Variants in PCSK5 observed in about 807,000 individuals in gnomAD.
PCSK5 encodes the protein prohormone convertase 5.
A neutral mutation model predicts 233.2 loss-of-function variants in PCSK5; 129 were observed. The ratio of observed to expected loss-of-function variants is 0.55; its 90% CI spans 0.48 to 0.64. The LOEUF (loss-of-function observed/expected upper bound fraction) is 0.64. Ranked by LOEUF, PCSK5 falls within the 30% of genes least tolerant of loss-of-function variation. The pLI, the probability that PCSK5 is intolerant of heterozygous loss-of-function variation, is 0.00. For synonymous variants in PCSK5, 825 were observed against 879.2 expected, an observed-to-expected ratio of 0.94 and a Z score of 1.09; for missense variants, 2,076 against 2,430.1, an observed-to-expected ratio of 0.85 and a Z score of 3.06.
chr9:76,283,207 T>C (rs1200624835), intron 24 of PCSK5, among the ~76,000 whole-genome samples: 3 of 152,216 alleles, frequency 2.0e-5, no homozygotes, highest in African/African-American at 7.2e-5. Context: ...TTTGAGAGGA[T>C]TGACTCGAAT....
At chr9:76,042,112 T>A (rs1829146550) in intron 5 of PCSK5, among the ~76,000 whole-genome samples, 1 of 152,252 alleles carries the variant, frequency 6.6e-6, no homozygotes, top group East Asian at 1.9e-4. Flanking sequence ...AGCTGAGTTT[T>A]GCTACATCCC....
chr9:75,890,094 A>T (rs531918841), upstream of PCSK5, among the ~76,000 whole-genome samples: 2 of 152,330 alleles, frequency 1.3e-5, no homozygotes, highest in Admixed American at 1.3e-4. Context: ...GTTGCCTAGT[A>T]TCGCAGATTT....
chr9:76,292,091 C>T (rs1252970593), intron 24 of PCSK5, 142 bp from the exon 25 acceptor site: 1 of 600,628 alleles, frequency 1.7e-6, no homozygotes, highest in Non-Finnish European at 3.0e-6. Flanking sequence ...ACAGTACAAT[C>T]TGTTCAAATA....
intron 5 of PCSK5, among the ~76,000 whole-genome samples, chr9:76,040,219 A>C (rs1265373734): frequency 6.6e-6 from 1 of 152,072 alleles, no homozygotes; most frequent in East Asian, 1.9e-4. Flanking sequence ...TCCTCACTTC[A>C]TGTACTCTAG....
chr9:75,909,011 A>G (rs761431743), intron 1 of PCSK5, among the ~76,000 whole-genome samples: 2 of 150,236 alleles, frequency 1.3e-5, no homozygotes, highest in Non-Finnish European at 3.0e-5. Flanking sequence ...CTCCTCTGCT[A>G]GATAATAATC....
In PCSK5 at chr9:76,072,937, A is replaced by G. The variant is rs138916959; in HGVS notation, c.894+1039A>G. Among the ~76,000 whole-genome samples the G allele has an allele frequency of 1.8e-4, 27 of 152,346 alleles. 1 individual carries two copies. The South Asian group carries it at 3.1e-3, about 18-fold the overall frequency. On this transcript the variant is annotated intron_variant, in intron 7 of 37. Coordinates refer to ENST00000674117, the MANE Select transcript of PCSK5 (RefSeq NM_001372043.1). ...CTTACTAGCGTTACATAGAGTTCTT[A>G]TCATATTGTGCTTTATATCAGAGTT...
At chr9:76,340,543 G>A (rs1829799140) in intron 35 of PCSK5, among the ~76,000 whole-genome samples, 1 of 150,446 alleles carries the variant, frequency 6.6e-6, no homozygotes, top group African/African-American at 2.4e-5. Context: ...TACTTGGGAG[G>A]TTGAGGTGGG....
intron 2 of PCSK5, among the ~76,000 whole-genome samples, chr9:75,946,025 A>G (rs1824549173): frequency 1.3e-5 from 2 of 152,224 alleles, no homozygotes; most frequent in South Asian, 2.1e-4. Flanking sequence ...TACAAATTCA[A>G]TGGAGGCCAT....
intron 34 of PCSK5, among the ~76,000 whole-genome samples, chr9:76,335,876 T>G (rs1342846447): frequency 4.6e-5 from 7 of 152,212 alleles, no homozygotes; most frequent in Non-Finnish European, 1.0e-4. Context: ...TGTTAGTCTC[T>G]CCATTTTACA....
intron 24 of PCSK5, among the ~76,000 whole-genome samples, chr9:76,276,998 C>A (rs1195298467): frequency 2.0e-5 from 3 of 152,056 alleles, no homozygotes; most frequent in Admixed American, 2.0e-4. Flanking sequence ...GAGGCCAAGG[C>A]GGGTGGATCA....
intron 2 of PCSK5, among the ~76,000 whole-genome samples, chr9:75,934,615 C>T (rs927154342): frequency 6.6e-6 from 1 of 151,320 alleles, no homozygotes; most frequent in African/African-American, 2.4e-5. Context: ...GAGTCTCACT[C>T]TTATTGCCCA....
intron 20 of PCSK5, among the ~76,000 whole-genome samples, chr9:76,211,770 C>CCCCCAGG (rs1229085045): frequency 6.6e-6 from 1 of 152,198 alleles, no homozygotes; most frequent in East Asian, 1.9e-4. Flanking sequence ...AGTGCTTAAG[C>CCCCCAGG]CTGGGAGCTT....
At chr9:76,188,529 T>C in intron 17 of PCSK5, 49 bp from the exon 18 acceptor site, 1 of 1,176,310 alleles carries the variant, frequency 8.5e-7, no homozygotes, top group Non-Finnish European at 1.3e-6. Context: ...CATTACGTTT[T>C]GGCCTCATCA....
At chr9:76,238,695 T>G (rs541512040) in intron 22 of PCSK5, among the ~76,000 whole-genome samples, 63 of 152,288 alleles carry the variant, frequency 4.1e-4, no homozygotes, top group Middle Eastern at 3.4e-3. Flanking sequence ...TCACAGAGCA[T>G]CATTTTGCAA....
At chr9:76,003,731 G>A (rs1450769029) in intron 3 of PCSK5, among the ~76,000 whole-genome samples, 1 of 152,240 alleles carries the variant, frequency 6.6e-6, no homozygotes, top group East Asian at 1.9e-4. Flanking sequence ...TTGTCACAAT[G>A]ATTTTTTTTA....
At chr9:76,222,102 T>C (rs1825746051) in intron 20 of PCSK5, among the ~76,000 whole-genome samples, 1 of 152,180 alleles carries the variant, frequency 6.6e-6, no homozygotes, top group Non-Finnish European at 1.5e-5. Flanking sequence ...GACAGAGTTT[T>C]CCATCTGCCA....
rs549175660 is a variant in PCSK5, at chr9:76,189,138, A to C, written c.2425A>C (p.Met809Leu). ...GCINCTEGYF[M>L]EDGRCVQSCS... ...CATTAACTGCACAGAGGGCTACTTC[A>C]TGGAGGATGGGAGATGCGTGCAGAG... The change falls in exon 19 of 38, where the codon ATG (methionine) becomes CTG (leucine). Residue 809 changes from methionine (M) to leucine (L), a missense_variant. By Grantham distance (15) the Met-to-Leu change is conservative. This residue lies in a region of PCSK5 where 1,510 missense variants were observed against 1,538.1 expected (regional missense o/e 0.98). Coordinates refer to ENST00000674117, the MANE Select transcript of PCSK5 (RefSeq NM_001372043.1). 1 of 1,613,276 alleles carries C rather than the reference A, an allele frequency of 6.2e-7. No individual in the cohort carries two copies. Among genetic ancestry groups the C allele is most frequent in the Admixed American group, 1.7e-5 (1 of 60,022 alleles).
At chr9:76,263,220 C>T (rs556496640) in intron 24 of PCSK5, among the ~76,000 whole-genome samples, 302 of 151,924 alleles carry the variant, frequency 2.0e-3, no homozygotes, top group African/African-American at 7.0e-3. Flanking sequence ...GTCAGTGTGG[C>T]GATTCCTCAG....
chr9:75,935,837 T>C (rs1304855670), intron 2 of PCSK5, among the ~76,000 whole-genome samples: 3 of 152,330 alleles, frequency 2.0e-5, no homozygotes, highest in East Asian at 3.9e-4. Flanking sequence ...TCTCAGTACA[T>C]CAGATTGAGA....
Sources: allele counts gnomAD v4.1 joint callset (sites outside exome capture counted in the v4.1 genomes callset), GRCh38; gene constraint gnomAD v4.1.1; regional missense constraint gnomAD v4.1.1; transcripts MANE v1.5; gene names NCBI Gene and HGNC (gene_info 2026-07-23, HGNC 2026-07-21).